PDK1: variants seen among roughly 807,000 people sequenced by gnomAD.
PDK1 encodes the protein pyruvate dehydrogenase kinase 1.
PDK1 carries 39 observed loss-of-function variants against 54.2 expected under a neutral mutation model. The ratio of observed to expected loss-of-function variants is 0.72; its 90% CI spans 0.56 to 0.94. The LOEUF (loss-of-function observed/expected upper bound fraction) is 0.94. Among genes scored for constraint, PDK1 ranks in the 40% least tolerant of loss-of-function variants. The pLI, the probability that PDK1 is intolerant of heterozygous loss-of-function variation, is 0.00. For synonymous variants in PDK1, 221 were observed against 207.1 expected, an observed-to-expected ratio of 1.07 and a Z score of -0.58; for missense variants, 552 against 566.0, an observed-to-expected ratio of 0.98 and a Z score of 0.25.
At chr2:172,609,390 T>C (rs2149328670), downstream of PDK1, among the ~76,000 whole-genome samples, 1 of 152,374 alleles carries the variant, frequency 6.6e-6, no homozygotes, top group South Asian at 2.1e-4. Context: ...AAGTATCATA[T>C]TAAACACAAT....
chr2:172,663,958 C>G, the PDK1 span, among the ~76,000 whole-genome samples: 92,612 of 143,172 alleles, frequency 0.65, 30,328 homozygotes, highest in Non-Finnish European at 0.75. Context: ...GGTTATGCCA[C>G]CATATGTGGC....
the PDK1 span, among the ~76,000 whole-genome samples, chr2:172,681,424 T>G: frequency 1.3e-5 from 2 of 152,252 alleles, no homozygotes; most frequent in Non-Finnish European, 2.9e-5. Context: ...CTTGTGAGAC[T>G]TGGCATGCAG....
chr2:172,696,193 A>G, the PDK1 span, among the ~76,000 whole-genome samples: 4 of 151,752 alleles, frequency 2.6e-5, no homozygotes, highest in African/African-American at 4.8e-5. Flanking sequence ...AAAAAAGAAA[A>G]AAAAAAGCTT....
At chr2:172,574,973 A>C (rs1689498480) in intron 8 of PDK1, among the ~76,000 whole-genome samples, 1 of 152,158 alleles carries the variant, frequency 6.6e-6, no homozygotes. Flanking sequence ...CTTGTCTTTC[A>C]CTATTAAGTA....
At chr2:172,652,960 G>GA in the PDK1 span, among the ~76,000 whole-genome samples, 1 of 152,090 alleles carries the variant, frequency 6.6e-6, no homozygotes, top group Non-Finnish European at 1.5e-5. Flanking sequence ...CACAGAATTG[G>GA]AAAAAACTAC....
At chr2:172,721,800 T>C in the PDK1 span, among the ~76,000 whole-genome samples, 2 of 152,264 alleles carry the variant, frequency 1.3e-5, no homozygotes, top group African/African-American at 4.8e-5. Flanking sequence ...GTCTGGCATA[T>C]TGCTATGTGC....
chr2:172,568,595 C>G (rs1689087410), intron 6 of PDK1, 146 bp from the exon 7 acceptor site: 1 of 619,808 alleles, frequency 1.6e-6, no homozygotes, highest in African/African-American at 1.8e-5. Context: ...AACACTAATA[C>G]ATTGAAGAAA....
intron 8 of PDK1, among the ~76,000 whole-genome samples, chr2:172,576,707 C>T (rs1401935516): frequency 6.6e-6 from 1 of 151,818 alleles, no homozygotes; most frequent in African/African-American, 2.4e-5. Flanking sequence ...TTCTAGTTTC[C>T]TTTTGGATTT....
At chr2:172,624,254 G>C in the PDK1 span, among the ~76,000 whole-genome samples, 1 of 152,134 alleles carries the variant, frequency 6.6e-6, no homozygotes, top group Non-Finnish European at 1.5e-5. Flanking sequence ...TGATACACTA[G>C]AGCAGGAGTT....
the PDK1 span, among the ~76,000 whole-genome samples, chr2:172,621,809 CTCATATGTATG>C: frequency 0.038 from 4,655 of 122,506 alleles, 461 homozygotes; most frequent in African/African-American, 0.12. Flanking sequence ...ATGTTTATAT[CTCATATGTATG>C]ATATATGTTT....
At chr2:172,714,174 A>G in the PDK1 span, among the ~76,000 whole-genome samples, 2 of 152,232 alleles carry the variant, frequency 1.3e-5, no homozygotes, top group African/African-American at 4.8e-5. Context: ...TTTTATGTTA[A>G]CATCTGAAAT....
chr2:172,577,125 C>CT (rs1689622783), intron 8 of PDK1, among the ~76,000 whole-genome samples: 1 of 152,064 alleles, frequency 6.6e-6, no homozygotes, highest in Non-Finnish European at 1.5e-5. Flanking sequence ...TTTTGGAGCT[C>CT]TGTTGAGTAC....
At chr2:172,718,071 A>G in the PDK1 span, among the ~76,000 whole-genome samples, 14 of 152,338 alleles carry the variant, frequency 9.2e-5, no homozygotes, top group South Asian at 2.5e-3. Flanking sequence ...ATGATTCATA[A>G]TGGAAAAGTA....
the PDK1 span, among the ~76,000 whole-genome samples, chr2:172,651,816 G>T: frequency 6.6e-6 from 1 of 152,132 alleles, no homozygotes; most frequent in East Asian, 1.9e-4. Flanking sequence ...TGAAATTGAG[G>T]CAATAATTAA....
At chr2:172,661,669 G>A in the PDK1 span, among the ~76,000 whole-genome samples, 11 of 152,238 alleles carry the variant, frequency 7.2e-5, no homozygotes, top group African/African-American at 2.2e-4. Context: ...CATGGATGCA[G>A]CTGGAGTTCA....
At chr2:172,646,997 A>C in the PDK1 span, among the ~76,000 whole-genome samples, 1 of 151,954 alleles carries the variant, frequency 6.6e-6, no homozygotes, top group African/African-American at 2.4e-5. Flanking sequence ...TTGACCTCCC[A>C]AAGTGTTGGG....
At chr2:172,647,624 G>A in the PDK1 span, among the ~76,000 whole-genome samples, 1 of 152,050 alleles carries the variant, frequency 6.6e-6, no homozygotes, top group Non-Finnish European at 1.5e-5. Flanking sequence ...AAGGAAAAGA[G>A]ACAATTCATC....
the PDK1 span, among the ~76,000 whole-genome samples, chr2:172,709,225 G>A: frequency 6.6e-6 from 1 of 152,092 alleles, no homozygotes; most frequent in Admixed American, 6.5e-5. Context: ...CTAGCCTCTC[G>A]TCTTGTGGGA....
rs1415923334 is a variant in PDK1 at position 172,601,731 on chromosome 2, G to A, written c.*5762G>A. The A allele has an allele frequency of 2.0e-5, 3 of 152,210 alleles. No individual in the cohort carries two copies. Among genetic ancestry groups the A allele is most frequent in the African/African-American group, 7.2e-5 (3 of 41,454 alleles). 9.4% of individuals were successfully genotyped at this position (152,210 alleles called of 1,614,324 possible). A position where few individuals can be genotyped will look rare whatever the true frequency, so the allele number is the denominator to read the frequency against. On this transcript the variant is annotated 3_prime_UTR_variant, in exon 11 of 11. Coordinates refer to ENST00000282077, the MANE Select transcript of PDK1 (RefSeq NM_002610.5). Reference sequence around the variant, plus strand: ...GGTAGGTAAAGCCACAGCTGTGGCAGCAACCAGCTAGTGGGTGTCCCTTGA... The same window carrying A: ...GGTAGGTAAAGCCACAGCTGTGGCAACAACCAGCTAGTGGGTGTCCCTTGA...
Sources: gnomAD v4.1 joint callset for allele counts (sites outside exome capture counted in the v4.1 genomes callset) on GRCh38, gnomAD v4.1.1 for gene constraint, MANE v1.5 for transcripts, NCBI Gene and HGNC (gene_info 2026-07-23, HGNC 2026-07-21) for gene names.